The following EPHB1 variants were observed in gnomAD, a reference collection of about 807,000 sequenced individuals.
The protein encoded by EPHB1 is ephrin type-B receptor 1.
Under a neutral mutation model 94.4 loss-of-function variants are expected in EPHB1, and 30 were observed. The observed-to-expected ratio is 0.32, with a 90% CI of 0.24 to 0.43. The LOEUF is 0.43. EPHB1 is among the 20% of genes least tolerant of loss of function. The pLI is 1.00. For synonymous variants in EPHB1, 522 were observed against 489.1 expected (o/e 1.07, Z -0.89); for missense variants, 1,055 against 1,308.3 (o/e 0.81, Z 2.99).
chr3:135,058,260 G>A (rs1937399587), intron 3 of EPHB1, among the ~76,000 whole-genome samples: 1 of 152,204 alleles, frequency 6.6e-6, no homozygotes, highest in Non-Finnish European at 1.5e-5. Context: ...TGTGGCAGAG[G>A]GTGAATCAGA....
At chr3:134,886,583 T>C (rs1283606544) in intron 1 of EPHB1, among the ~76,000 whole-genome samples, 1 of 152,224 alleles carries the variant, frequency 6.6e-6, no homozygotes, top group Admixed American at 6.5e-5. Flanking sequence ...GTTAGGGCTT[T>C]CCTTCCTGTA....
chr3:135,100,724 G>A (rs1273921087), intron 3 of EPHB1, among the ~76,000 whole-genome samples: 1 of 152,162 alleles, frequency 6.6e-6, no homozygotes, highest in Non-Finnish European at 1.5e-5. Flanking sequence ...TAAGCAGAAG[G>A]TCATTTGTCA....
In EPHB1 at chr3:135,092,080, G is replaced by A. The variant is rs559975310; in HGVS notation, c.806-14368G>A. On this transcript the variant is annotated intron_variant, in intron 3 of 15. Transcript: ENST00000398015. ...AAGAAAAACACTTCGGTTTGAAAAC[G>A]TGGGAAGCAGCCTGACTGCCAGCAT... Among the ~76,000 whole-genome samples the A allele has an allele frequency of 5.2e-4, 79 of 152,302 alleles. 1 individual carries two copies. Among genetic ancestry groups the A allele is most frequent in the African/African-American group, 1.8e-3 (76 of 41,562 alleles).
chr3:134,861,994 C>T (rs2037272014), intron 1 of EPHB1, among the ~76,000 whole-genome samples: 1 of 152,212 alleles, frequency 6.6e-6, no homozygotes, highest in African/African-American at 2.4e-5. Context: ...CCCTGAAACA[C>T]ATGAACTTAG....
At chr3:135,117,037 T>G (rs575686820) in intron 4 of EPHB1, among the ~76,000 whole-genome samples, 272 of 152,236 alleles carry the variant, frequency 1.8e-3, no homozygotes, top group African/African-American at 6.3e-3. Context: ...TGATCAGGTA[T>G]TTAGAGGGAA....
intron 4 of EPHB1, among the ~76,000 whole-genome samples, chr3:135,117,947 G>T (rs1310070516): frequency 1.3e-5 from 2 of 152,188 alleles, no homozygotes; most frequent in Non-Finnish European, 1.5e-5. Context: ...GGTGAGGGCT[G>T]GGGTGGGGTG....
intron 15 of EPHB1, among the ~76,000 whole-genome samples, chr3:135,255,777 G>A (rs376644596): frequency 1.4e-5 from 2 of 143,120 alleles, no homozygotes; most frequent in Admixed American, 7.0e-5. Context: ...TATCCTTGTT[G>A]ACTTTCTGTC....
At chr3:134,998,612 T>C (rs747515506) in intron 3 of EPHB1, among the ~76,000 whole-genome samples, 19 of 152,224 alleles carry the variant, frequency 1.2e-4, no homozygotes, top group Non-Finnish European at 2.1e-4. Context: ...TTTCTGACAC[T>C]ATAATAAATT....
At chr3:135,197,118 A>C (rs1485763790) in intron 11 of EPHB1, among the ~76,000 whole-genome samples, 2 of 150,440 alleles carry the variant, frequency 1.3e-5, no homozygotes, top group Admixed American at 1.3e-4. Context: ...AAAAAAAAAG[A>C]CAAAAAAAAT....
chr3:135,160,535 A>G (rs1171470750), intron 6 of EPHB1, among the ~76,000 whole-genome samples: 1 of 152,158 alleles, frequency 6.6e-6, no homozygotes, highest in East Asian at 1.9e-4. Context: ...GACTTGGATC[A>G]TTCCCTCCTA....
chr3:134,928,478 A>G (rs1467109011), intron 2 of EPHB1, among the ~76,000 whole-genome samples: 1 of 152,160 alleles, frequency 6.6e-6, no homozygotes, highest in African/African-American at 2.4e-5. Context: ...CACCTAGTTC[A>G]CTACCTGACT....
At chr3:135,258,067 T>C (rs143087250) in intron 15 of EPHB1, among the ~76,000 whole-genome samples, 563 of 152,256 alleles carry the variant, frequency 3.7e-3, no homozygotes, top group African/African-American at 0.013. Flanking sequence ...TCACCCTGCT[T>C]CGGCTCGTGC....
At chr3:134,948,258 C>T (rs1345494429) in intron 2 of EPHB1, among the ~76,000 whole-genome samples, 1 of 151,570 alleles carries the variant, frequency 6.6e-6, no homozygotes, top group Non-Finnish European at 1.5e-5. Flanking sequence ...CAGAGGGGCC[C>T]CATGTGTGTA....
chr3:135,225,372 G>GC (rs1470772636), intron 12 of EPHB1, among the ~76,000 whole-genome samples: 3 of 152,162 alleles, frequency 2.0e-5, no homozygotes, highest in Non-Finnish European at 4.4e-5. Flanking sequence ...CAGAGCTTAG[G>GC]CCCTTCCCTG....
Position 135,241,216 on chromosome 3 carries a change from C to T in EPHB1, c.2415C>T (p.Ser805=), listed in dbSNP as rs749269203. ...AIAYRKFTSA[S]DVWSYGIVMW... is the part of the protein sequence containing the mutation. ...CCTACCGCAAGTTCACTTCAGCCAG[C>T]GACGTTTGGAGCTATGGGATCGTCA... The change falls in exon 13 of 16, where the codon AGC becomes AGT. Residue 805 remains serine (S), a synonymous_variant. Transcript: ENST00000398015. The T allele has an allele frequency of 1.8e-5, 29 of 1,614,016 alleles. No individual in the cohort carries two copies. Among genetic ancestry groups the T allele is most frequent in the Admixed American group, 1.7e-4 (10 of 60,006 alleles).
chr3:135,136,045 G>T (rs1208892460), intron 5 of EPHB1, among the ~76,000 whole-genome samples: 1 of 152,178 alleles, frequency 6.6e-6, no homozygotes, highest in Non-Finnish European at 1.5e-5. Flanking sequence ...AAAGGGATTT[G>T]GAGAATCTAG....
chr3:134,983,017 T>C (rs1934465316), intron 3 of EPHB1, among the ~76,000 whole-genome samples: 1 of 152,222 alleles, frequency 6.6e-6, no homozygotes, highest in Non-Finnish European at 1.5e-5. Flanking sequence ...TGCAATCCCA[T>C]GCTGTTCTTA....
chr3:135,121,791 G>T (rs189813355), intron 4 of EPHB1, among the ~76,000 whole-genome samples: 1 of 151,968 alleles, frequency 6.6e-6, no homozygotes, highest in Admixed American at 6.5e-5. Context: ...CAGGTCAAGT[G>T]TTCTGCACAA....
chr3:134,978,924 A>G (rs1372291798), intron 3 of EPHB1, among the ~76,000 whole-genome samples: 1 of 152,180 alleles, frequency 6.6e-6, no homozygotes, highest in African/African-American at 2.4e-5. Flanking sequence ...CTGGCTTCAG[A>G]GGAGTAAAAT....
Sources: gnomAD v4.1 joint callset for allele counts (sites outside exome capture counted in the v4.1 genomes callset) on GRCh38, gnomAD v4.1.1 for gene constraint, MANE v1.5 for transcripts, NCBI Gene and HGNC (gene_info 2026-07-23, HGNC 2026-07-21) for gene names.